The following NOL4 variants were observed in gnomAD, a reference collection of about 807,000 sequenced individuals.
NOL4 encodes the protein nucleolar protein 4.
Under a neutral mutation model 75.9 loss-of-function variants are expected in NOL4, and 17 were observed. That is an observed-to-expected ratio of 0.22 (90% CI 0.15 to 0.34). The LOEUF (loss-of-function observed/expected upper bound fraction) is 0.34, where lower values mean the gene tolerates loss of function less well. Ranked by LOEUF, NOL4 falls within the 10% of genes least tolerant of loss-of-function variation. The probability of loss-of-function intolerance (pLI) is 1.00; values close to 1 mark genes in which losing one functional copy is unlikely to be tolerated. For synonymous variants in NOL4, 292 were observed against 289.9 expected (o/e 1.01, Z -0.07); for missense variants, 614 against 793.5 (o/e 0.77, Z 2.72).
intron 8 of NOL4, among the ~76,000 whole-genome samples, chr18:33,945,234 T>G (rs1489834070): frequency 6.6e-6 from 1 of 151,766 alleles, no homozygotes; most frequent in East Asian, 1.9e-4. Context: ...GAGAGACATA[T>G]TCAGTTCTTC....
chr18:34,078,892 G>T (rs748912665), intron 5 of NOL4, among the ~76,000 whole-genome samples: 12 of 152,166 alleles, frequency 7.9e-5, no homozygotes, highest in Non-Finnish European at 1.6e-4. Context: ...TCTGGCCTCT[G>T]CCCCAAACCT....
At chr18:34,025,465 T>A (rs941969823) in intron 5 of NOL4, among the ~76,000 whole-genome samples, 7 of 152,284 alleles carry the variant, frequency 4.6e-5, no homozygotes, top group African/African-American at 1.7e-4. Context: ...TTTGCTCACA[T>A]AGCAGGTAAA....
At chr18:33,899,801 T>A (rs1339541061) in intron 9 of NOL4, among the ~76,000 whole-genome samples, 1 of 152,144 alleles carries the variant, frequency 6.6e-6, no homozygotes, top group Non-Finnish European at 1.5e-5. Context: ...GTTGGACTTG[T>A]ATCTGATTTG....
chr18:34,222,498 C>T lies in NOL4; in HGVS notation c.264+492G>A, dbSNP rs890780011. 9.5e-5 allele frequency: 91 copies of T among 961,886 alleles called. 1 individual carries two copies. The South Asian group carries it at 1.1e-3, about 11-fold the overall frequency. 59.6% of individuals were successfully genotyped at this position (961,886 alleles called of 1,614,324 possible). ...TGACAGTGTCCTGGGGAAAACCCCA[C>T]ATCCACCGCTAGCGCTACATTCGGG... On this transcript the variant is annotated intron_variant, in intron 1 of 10. Transcript: ENST00000261592.
Position 33,958,299 on chromosome 18 carries a change from G to A in NOL4, c.1176C>T (p.Asp392=), listed in dbSNP as rs146959729. 1.6e-3 allele frequency: 2,538 copies of A among 1,613,732 alleles called. 55 individuals carry two copies. In the South Asian group the frequency reaches 0.024, roughly 15 times the overall value. The change falls in exon 7 of 11, where the codon GAC becomes GAT. Residue 392 remains aspartate, a synonymous_variant. Transcript: ENST00000261592. The part of the protein sequence containing the change: ...DEDEDDHEDH[D]DSEKVNETDG... ...CTGTCTCATTAACTTTCTCCGAATC[G>A]TCATGGTCCTCGTGGTCATCTTCGT...
intron 1 of NOL4, chr18:34,222,479 T>C (rs2037387924): frequency 2.0e-6 from 2 of 984,438 alleles, no homozygotes; most frequent in South Asian, 4.7e-5. Flanking sequence ...AACCTGACAG[T>C]GTCCTGGGGA....
Position 33,957,424 on chromosome 18 carries a change from A to T in NOL4, c.1330T>A (p.Cys444Ser). The stretch of plus-strand genomic sequence containing the variant: ...TGATACTCAGGGAATTGTCGCCTGC[A>T]TGAGTCAATGATAGCCTGGATCTTT... ...KEKIQAIIDS[C>S]RRQFPEYQER... The change falls in exon 8 of 11, where the codon TGC becomes AGC. Residue 444 changes from cysteine (C) to serine (S), a missense_variant. Transcript: ENST00000261592. 1 of 1,613,732 alleles carries T rather than the reference A, an allele frequency of 6.2e-7. No homozygotes were observed.
chr18:34,106,191 AG>A (rs2079269015), intron 2 of NOL4, among the ~76,000 whole-genome samples: 1 of 152,072 alleles, frequency 6.6e-6, no homozygotes, highest in Admixed American at 6.6e-5. Context: ...AGTAAAAATG[AG>A]GGGAAATGTG....
intron 6 of NOL4, among the ~76,000 whole-genome samples, chr18:33,982,114 T>G (rs572269660): frequency 2.2e-4 from 33 of 152,082 alleles, no homozygotes; most frequent in African/African-American, 7.0e-4. Context: ...TAAAATTGCA[T>G]ACGGCAGGAA....
intron 9 of NOL4, among the ~76,000 whole-genome samples, chr18:33,922,272 A>G (rs2067086677): frequency 6.6e-6 from 1 of 152,192 alleles, no homozygotes; most frequent in Admixed American, 6.5e-5. Context: ...CAAGAGATTC[A>G]TATGTGTTAA....
At chr18:34,021,883 A>G (rs1600281286) in intron 5 of NOL4, among the ~76,000 whole-genome samples, 1 of 152,040 alleles carries the variant, frequency 6.6e-6, no homozygotes, top group Non-Finnish European at 1.5e-5. Context: ...TGGGTGGATC[A>G]CCTGAGGTCA....
rs2034834156 is a variant in NOL4, at chr18:34,190,483, GAATA to G, written c.264+32503_264+32506del. Reference sequence around the variant, plus strand: ...ATGTTTATATATTCAAAATTTATATGAATAAATGTGCTGTCCTTTATATATGAAG... The same window carrying G: ...ATGTTTATATATTCAAAATTTATATGAATGTGCTGTCCTTTATATATGAAG... On this transcript the variant is annotated intron_variant, in intron 1 of 10. Transcript: ENST00000261592. Among the ~76,000 whole-genome samples, 3 of 151,694 alleles carry G rather than the reference GAATA, an allele frequency of 2.0e-5. No homozygotes were observed. The South Asian group carries it at 6.2e-4, about 31-fold the overall frequency.
chr18:34,012,517 G>A (rs1435978034), intron 6 of NOL4, among the ~76,000 whole-genome samples: 2 of 151,656 alleles, frequency 1.3e-5, no homozygotes, highest in Non-Finnish European at 2.9e-5. Context: ...GTGTTTATAT[G>A]CAAAATACAT....
chr18:33,927,058 T>C (rs1400084397), intron 9 of NOL4, among the ~76,000 whole-genome samples: 4 of 152,186 alleles, frequency 2.6e-5, no homozygotes, highest in South Asian at 2.1e-4. Context: ...TACATTTTCA[T>C]AGAGGAGTTG....
chr18:34,166,620 A>G (rs1204723563), intron 1 of NOL4, among the ~76,000 whole-genome samples: 2 of 152,146 alleles, frequency 1.3e-5, no homozygotes, highest in African/African-American at 4.8e-5. Flanking sequence ...TATAACAATC[A>G]TGCTGTAACT....
chr18:34,077,378 A>T (rs76253769), intron 5 of NOL4, among the ~76,000 whole-genome samples: 8,150 of 152,194 alleles, frequency 0.054, 269 homozygotes, highest in Non-Finnish European at 0.083. Flanking sequence ...AAATCAAGAC[A>T]AATATTTCTC....
intron 1 of NOL4, among the ~76,000 whole-genome samples, chr18:34,173,352 T>A (rs763012424): frequency 6.6e-6 from 1 of 152,074 alleles, no homozygotes; most frequent in Non-Finnish European, 1.5e-5. Context: ...AATACTGTAT[T>A]ATTTGATATT....
intron 10 of NOL4, among the ~76,000 whole-genome samples, chr18:33,863,149 T>A (rs1160825436): frequency 1.3e-5 from 2 of 152,154 alleles, no homozygotes; most frequent in Admixed American, 6.6e-5. Flanking sequence ...GAAATCATCA[T>A]TCTCAGTAAA....
chr18:34,080,028 C>T (rs1193347636), intron 5 of NOL4, among the ~76,000 whole-genome samples: 1 of 152,210 alleles, frequency 6.6e-6, no homozygotes, highest in Non-Finnish European at 1.5e-5. Flanking sequence ...CATTGAAAAA[C>T]AAAGCATACC....
Sources: gnomAD v4.1 joint callset for allele counts (sites outside exome capture counted in the v4.1 genomes callset) on GRCh38, gnomAD v4.1.1 for gene constraint, MANE v1.5 for transcripts, NCBI Gene and HGNC (gene_info 2026-07-23, HGNC 2026-07-21) for gene names.